BAHD1: variants seen among roughly 807,000 people sequenced by gnomAD.
The protein encoded by BAHD1 is bromo adjacent homology domain-containing 1 protein.
Under a neutral mutation model 63.1 loss-of-function variants are expected in BAHD1, and 20 were observed. That is an observed-to-expected ratio of 0.32 (90% confidence interval 0.22 to 0.46). BAHD1 has a LOEUF of 0.46. Among genes scored for constraint, BAHD1 ranks in the 20% least tolerant of loss-of-function variants. BAHD1 has a pLI of 1.00. For missense variants in BAHD1, 939 were observed against 1,071.8 expected, an observed-to-expected ratio of 0.88 and a Z score of 1.73; for synonymous variants, 408 against 426.8, an observed-to-expected ratio of 0.96 and a Z score of 0.54.
At chr15:40,465,232 C>A in intron 5 of BAHD1, 103 bp from the exon 6 acceptor site, 1 of 968,974 alleles carries the variant, frequency 1.0e-6, no homozygotes, top group South Asian at 1.5e-5. Context: ...TTGCTGGAGT[C>A]ATCTCAGGTC....
chr15:40,437,566 TGAG>T (rs1050762444), upstream of BAHD1, among the ~76,000 whole-genome samples: 6 of 152,212 alleles, frequency 3.9e-5, no homozygotes, highest in Non-Finnish European at 1.5e-5. Context: ...CCAGTGGGGC[TGAG>T]GAGCCGGGTG....
At chr15:40,460,085 C>T (rs1043594745) in intron 2 of BAHD1, among the ~76,000 whole-genome samples, 189 bp downstream of exon 2, 4 of 152,108 alleles carry the variant, frequency 2.6e-5, no homozygotes, top group East Asian at 1.9e-4. Flanking sequence ...GAACAGGGCC[C>T]GTATAGCTCT....
upstream of BAHD1, among the ~76,000 whole-genome samples, chr15:40,438,253 G>A (rs1893318020): frequency 1.3e-5 from 2 of 152,208 alleles, no homozygotes; most frequent in African/African-American, 4.8e-5. Context: ...AAGGGCTTTG[G>A]ACTGGGAAAG....
intron 1 of BAHD1, among the ~76,000 whole-genome samples, chr15:40,455,502 A>G (rs972141667): frequency 6.6e-6 from 1 of 152,196 alleles, no homozygotes; most frequent in African/African-American, 2.4e-5. Flanking sequence ...GAGTGGGGAC[A>G]ACTATCCAAA....
Position 40,458,505 on chromosome 15 carries a change from C to T in BAHD1, c.41C>T (p.Ser14Leu), listed in dbSNP as rs774459113. The T allele has an allele frequency of 1.2e-5, 20 of 1,609,078 alleles. No individual in the cohort carries two copies. The South Asian group carries it at 1.8e-4, about 14-fold the overall frequency. The change falls in exon 2 of 7, where the codon TCG (serine) becomes TTG (leucine). Residue 14 changes from serine (S) to leucine (L), a missense_variant. By Grantham distance (145) the Ser-to-Leu change is moderately radical. Around this residue, in one of 5 missense-constraint regions of BAHD1, gnomAD observed 797 missense variants for 813.3 expected, o/e 0.98. Transcript: ENST00000416165. The surrounding 1 kb of genome is among the most constrained non-coding windows in gnomAD (Gnocchi z 4.7). Reference protein sequence around the residue: ...TRRKSLPMLSSGLTGRREPLQ... With the variant: ...TRRKSLPMLSLGLTGRREPLQ... ...AGAAAGTCCCTTCCCATGCTGAGTT[C>T]GGGCCTCACTGGCCGCCGAGAGCCC...
intron 1 of BAHD1, among the ~76,000 whole-genome samples, chr15:40,451,783 G>A (rs1413581895): frequency 1.3e-5 from 2 of 152,238 alleles, no homozygotes; most frequent in Non-Finnish European, 2.9e-5. Context: ...GGCTTAGCTG[G>A]GCTAGCACCT....
At chr15:40,442,394 A>C (rs1374054747) in intron 1 of BAHD1, among the ~76,000 whole-genome samples, 1 of 150,780 alleles carries the variant, frequency 6.6e-6, no homozygotes, top group Non-Finnish European at 1.5e-5. Flanking sequence ...AGTGGGGTCT[A>C]CTTGCCGGGG....
chr15:40,462,101 C>A lies in BAHD1; in HGVS notation c.1622C>A (p.Pro541His). 6.2e-7 allele frequency: 1 copy of A among 1,613,310 alleles called. No individual in the cohort carries two copies. The highest frequency in any genetic ancestry group is 1.7e-5 in the Admixed American group (1 of 60,032). ...CGTGCGTGCCCTCAGAGCGCCAAAC[C>A]TCCCAGCGGTTCTAAGTCAGGTCTG... ...VARACPQSAK[P>H]PSGSKSGLRT... The change falls in exon 3 of 7, where the codon CCT becomes CAT. Residue 541 changes from proline to histidine, a missense_variant. Physicochemically the swap from Pro to His is moderately conservative, Grantham distance 77. Coordinates refer to ENST00000416165, the MANE Select transcript of BAHD1 (RefSeq NM_014952.5).
rs565641550 is a variant in BAHD1, at chr15:40,443,574, C to T, written c.-15+2306C>T. Among the ~76,000 whole-genome samples the T allele has an allele frequency of 2.0e-5, 3 of 152,284 alleles. No individual in the cohort carries two copies. In the South Asian group the frequency reaches 6.2e-4, roughly 32 times the overall value. Reference sequence around the variant, plus strand: ...TACCTGGCAGGAGACTCATGCCAGTCGGATCTGGTGTTAAGGAGGGTTTGC... The same window carrying T: ...TACCTGGCAGGAGACTCATGCCAGTTGGATCTGGTGTTAAGGAGGGTTTGC... On this transcript the variant is annotated intron_variant, in intron 1 of 6. Coordinates refer to ENST00000416165, the MANE Select transcript of BAHD1 (RefSeq NM_014952.5).
intron 2 of BAHD1, among the ~76,000 whole-genome samples, chr15:40,461,311 C>G (rs1026224313): frequency 6.6e-6 from 1 of 152,108 alleles, no homozygotes; most frequent in Non-Finnish European, 1.5e-5. Flanking sequence ...GATTCTAGAA[C>G]CCCTATTCCC....
Position 40,466,298 on chromosome 15 carries a change from G to T in BAHD1, c.*168G>T, listed in dbSNP as rs1894205759. On this transcript the variant is annotated 3_prime_UTR_variant, in exon 7 of 7. Coordinates refer to ENST00000416165, the MANE Select transcript of BAHD1 (RefSeq NM_014952.5). ...CCCCTGTGGGTTCTGGGCTCCAGGG[G>T]AGGGAGCTGGGGAGGCCAGGGTATA... 3 of 635,744 alleles carry T rather than the reference G, an allele frequency of 4.7e-6. No homozygotes were observed. Among genetic ancestry groups the T allele is most frequent in the Non-Finnish European group, 7.9e-6 (3 of 379,840 alleles). 39.4% of individuals were successfully genotyped at this position (635,744 alleles called of 1,614,324 possible). A position where few individuals can be genotyped will look rare whatever the true frequency, so the allele number is the denominator to read the frequency against.
intron 1 of BAHD1, among the ~76,000 whole-genome samples, chr15:40,453,033 C>T (rs1007738754): frequency 2.0e-5 from 3 of 152,168 alleles, no homozygotes; most frequent in African/African-American, 7.2e-5. Flanking sequence ...GAATCTGTCC[C>T]GGGCTCCTGC....
chr15:40,448,527 T>C (rs1388646161), intron 1 of BAHD1, among the ~76,000 whole-genome samples: 1 of 151,952 alleles, frequency 6.6e-6, no homozygotes, highest in Admixed American at 6.6e-5. Flanking sequence ...ATGGCTCACC[T>C]CTGTCCTCAA....
intron 1 of BAHD1, among the ~76,000 whole-genome samples, chr15:40,455,644 C>T (rs148618065): frequency 6.3e-4 from 96 of 152,346 alleles, no homozygotes; most frequent in Middle Eastern, 3.4e-3. Context: ...TCTTTCCCAG[C>T]CGCCTTCTCC....
intron 1 of BAHD1, among the ~76,000 whole-genome samples, chr15:40,451,324 G>T (rs1176547973): frequency 2.0e-5 from 3 of 152,172 alleles, no homozygotes; most frequent in Non-Finnish European, 4.4e-5. Context: ...TGGCTCATAT[G>T]TACCCTCTGA....
intron 1 of BAHD1, among the ~76,000 whole-genome samples, chr15:40,442,526 T>A (rs1428330615): frequency 2.0e-5 from 3 of 151,914 alleles, no homozygotes; most frequent in African/African-American, 7.3e-5. Context: ...AATGAGGGGT[T>A]TTTCAACAAG....
chr15:40,460,611 G>A (rs1894011429), intron 2 of BAHD1, among the ~76,000 whole-genome samples: 1 of 152,170 alleles, frequency 6.6e-6, no homozygotes, highest in African/African-American at 2.4e-5. Flanking sequence ...TGCTCCGGCT[G>A]TTGAGACACT....
intron 5 of BAHD1, chr15:40,465,027 T>G: frequency 2.3e-6 from 1 of 433,752 alleles, no homozygotes; most frequent in Non-Finnish European, 4.2e-6. Context: ...GCAGGGACTT[T>G]CCATCTAACT....
At chr15:40,438,138 G>A (rs1014965369), upstream of BAHD1, among the ~76,000 whole-genome samples, 14 of 152,226 alleles carry the variant, frequency 9.2e-5, no homozygotes, top group Non-Finnish European at 1.8e-4. Context: ...TGGGCCCCAG[G>A]CGTTGGCACA....
Sources: allele counts gnomAD v4.1 joint callset (sites outside exome capture counted in the v4.1 genomes callset), GRCh38; gene constraint gnomAD v4.1.1; regional missense constraint gnomAD v4.1.1; non-coding constraint Gnocchi (gnomAD v3.1); transcripts MANE v1.5; gene names NCBI Gene and HGNC (gene_info 2026-07-23, HGNC 2026-07-21).